Variants in ASTN1 observed in about 807,000 individuals in gnomAD.
ASTN1 encodes astrotactin-1.
In ASTN1, 41 loss-of-function variants were observed where a neutral mutation model predicts 140.7. That is an observed-to-expected ratio of 0.29 (90% CI 0.23 to 0.38). The LOEUF is 0.38. ASTN1 is among the 10% of genes least tolerant of loss of function. The pLI is 1.00. For synonymous variants in ASTN1, 640 were observed against 652.2 expected, an observed-to-expected ratio of 0.98 and a Z score of 0.29; for missense variants, 1,479 against 1,678.8, an observed-to-expected ratio of 0.88 and a Z score of 2.08.
chr1:176,881,139 T>C (rs1668780222), intron 20 of ASTN1, among the ~76,000 whole-genome samples: 1 of 152,206 alleles, frequency 6.6e-6, no homozygotes, highest in Non-Finnish European at 1.5e-5. Context: ...ATGTCACTCC[T>C]GGCCTCCCAC....
intron 17 of ASTN1, 117 bp downstream of exon 17, chr1:176,894,445 C>T: frequency 1.5e-6 from 2 of 1,349,364 alleles, no homozygotes; most frequent in East Asian, 2.4e-5. Flanking sequence ...AACAAAAAGC[C>T]TCACTATCCA....
At chr1:177,152,034 A>G (rs1351221989) in intron 1 of ASTN1, among the ~76,000 whole-genome samples, 1 of 152,150 alleles carries the variant, frequency 6.6e-6, no homozygotes, top group Non-Finnish European at 1.5e-5. Context: ...GGCATATGGG[A>G]AAGATAATAA....
chr1:176,884,815 G>A (rs1464315391), intron 18 of ASTN1, among the ~76,000 whole-genome samples: 1 of 152,156 alleles, frequency 6.6e-6, no homozygotes, highest in Non-Finnish European at 1.5e-5. Context: ...CATTTTATAT[G>A]GCTGGAAAAT....
Position 177,030,954 on chromosome 1 carries a change from T to C in ASTN1, c.866-2A>G. 1.2e-6 allele frequency: 2 copies of C among 1,609,058 alleles called. No homozygotes were observed. The highest frequency in any genetic ancestry group is 2.2e-5 in the East Asian group (1 of 44,766). Reference sequence around the variant, plus strand: ...GTGACAGCTTGGCATTGTCACTTCCTGTATAAGGAAAAGACGAGGCAAAAA... The same window carrying C: ...GTGACAGCTTGGCATTGTCACTTCCCGTATAAGGAAAAGACGAGGCAAAAA... On this transcript the variant is annotated splice_acceptor_variant, in intron 3 of 22. Transcript: ENST00000361833. LOFTEE classifies it high-confidence loss of function.
At chr1:177,058,296 C>T (rs574821600) in intron 2 of ASTN1, among the ~76,000 whole-genome samples, 1 of 152,136 alleles carries the variant, frequency 6.6e-6, no homozygotes, top group Admixed American at 6.6e-5. Context: ...TGTCCACATA[C>T]AAGAGGCCAA....
chr1:176,972,916 G>A (rs1056269599), intron 8 of ASTN1, among the ~76,000 whole-genome samples: 5 of 152,002 alleles, frequency 3.3e-5, no homozygotes, highest in African/African-American at 1.2e-4. Flanking sequence ...TTCATGCCAT[G>A]AGAGTGCCCT....
In ASTN1 at chr1:177,032,631, G is replaced by A. The variant is rs993045538; in HGVS notation, c.690C>T (p.Thr230=). The change falls in exon 3 of 23, where the codon ACC becomes ACT. Residue 230 remains threonine (T), a synonymous_variant. Transcript: ENST00000361833. ...ARVQGHNSSG[T]LSIRETPILD... ...GGATAGGTGTCTCCCGGATGCTCAG[G>A]GTGCCACTGGAGTTGTGGCCCTGCA... is the stretch of plus-strand genomic sequence containing the variant. The A allele has an allele frequency of 1.2e-6, 2 of 1,614,190 alleles. No homozygotes were observed. Among genetic ancestry groups the A allele is most frequent in the Non-Finnish European group, 8.5e-7 (1 of 1,180,036 alleles).
chr1:177,161,823 T>G (rs533094887), intron 1 of ASTN1, among the ~76,000 whole-genome samples: 1 of 152,194 alleles, frequency 6.6e-6, no homozygotes, highest in Non-Finnish European at 1.5e-5. Context: ...ATGATTACCA[T>G]GGAATCTGCT....
chr1:176,891,942 C>T (rs895895436), intron 17 of ASTN1, among the ~76,000 whole-genome samples: 3 of 152,176 alleles, frequency 2.0e-5, no homozygotes, highest in African/African-American at 7.2e-5. Flanking sequence ...GGGCTCTTGG[C>T]AGCTGGTGAT....
At chr1:176,915,840 A>G (rs1223044758) in intron 16 of ASTN1, among the ~76,000 whole-genome samples, 1 of 152,206 alleles carries the variant, frequency 6.6e-6, no homozygotes, top group Non-Finnish European at 1.5e-5. Context: ...AGTCACTACC[A>G]TCATAGACCG....
chr1:177,153,324 G>C (rs1683117133), intron 1 of ASTN1, among the ~76,000 whole-genome samples: 1 of 152,072 alleles, frequency 6.6e-6, no homozygotes, highest in East Asian at 1.9e-4. Context: ...AGTGGAAGCA[G>C]CCTAAAACCC....
At chr1:177,101,267 T>C (rs76799000) in intron 1 of ASTN1, among the ~76,000 whole-genome samples, 4,622 of 152,244 alleles carry the variant, frequency 0.03, 112 homozygotes, top group East Asian at 0.11. Context: ...TGTTCATAGC[T>C]GTCCTGTTCA....
chr1:177,054,738 A>G lies in ASTN1; in HGVS notation c.471+6340T>C, dbSNP rs137946400. On this transcript the variant is annotated intron_variant, in intron 2 of 22. Transcript: ENST00000361833. The stretch of plus-strand genomic sequence containing the variant: ...CACTGTGAAGCTGTGAAAAGTCAGG[A>G]CAGGTCATGAGTGAGGTGACTTGAT... Among the ~76,000 whole-genome samples, 3 of 152,360 alleles carry G rather than the reference A, an allele frequency of 2.0e-5. No homozygotes were observed. In the East Asian group the frequency reaches 5.8e-4, roughly 29 times the overall value.
intron 1 of ASTN1, among the ~76,000 whole-genome samples, chr1:177,076,237 C>T (rs544346562): frequency 7.1e-6 from 1 of 140,196 alleles, no homozygotes; most frequent in African/African-American, 2.6e-5. Context: ...CGAGATTGTG[C>T]CACTGCACTC....
chr1:177,115,244 C>T (rs1381922550), intron 1 of ASTN1, among the ~76,000 whole-genome samples: 1 of 152,012 alleles, frequency 6.6e-6, no homozygotes, highest in East Asian at 1.9e-4. Flanking sequence ...AATCACAGGG[C>T]CCAGGGGTTA....
intron 2 of ASTN1, among the ~76,000 whole-genome samples, chr1:177,050,707 A>T (rs1677498798): frequency 6.6e-6 from 1 of 152,218 alleles, no homozygotes; most frequent in African/African-American, 2.4e-5. Context: ...GCAAGGCTAA[A>T]AATGCTTTGT....
At chr1:176,879,574 C>G (rs6695919) in intron 20 of ASTN1, among the ~76,000 whole-genome samples, 2 of 152,138 alleles carry the variant, frequency 1.3e-5, no homozygotes, top group Non-Finnish European at 2.9e-5. Flanking sequence ...CCTCTCCCCC[C>G]GCCCCCAAGC....
chr1:176,951,322 AGAAGG>A (rs2103119401), intron 11 of ASTN1, among the ~76,000 whole-genome samples: 1 of 152,364 alleles, frequency 6.6e-6, no homozygotes, highest in Admixed American at 6.5e-5. Flanking sequence ...ATGTGCCACC[AGAAGG>A]GAGCTGGCTT....
intron 21 of ASTN1, among the ~76,000 whole-genome samples, chr1:176,874,784 C>T (rs1303680848): frequency 6.6e-6 from 1 of 152,096 alleles, no homozygotes; most frequent in Non-Finnish European, 1.5e-5. Context: ...ACTTCATTAG[C>T]TAGGGTACTA....
Sources: gnomAD v4.1 joint callset for allele counts (sites outside exome capture counted in the v4.1 genomes callset) on GRCh38, gnomAD v4.1.1 for gene constraint, MANE v1.5 for transcripts, NCBI Gene and HGNC (gene_info 2026-07-23, HGNC 2026-07-21) for gene names.